Variants in SUN1 observed in about 807,000 individuals in gnomAD.
The protein encoded by SUN1 is Sad1 and UNC84 domain containing 1, also known as SUN domain-containing protein 1.
A neutral mutation model predicts 103.2 loss-of-function variants in SUN1; 61 were observed. The observed-to-expected ratio is 0.59, with a 90% confidence interval of 0.48 to 0.73. The LOEUF (loss-of-function observed/expected upper bound fraction) is 0.73, where lower values mean the gene tolerates loss of function less well. SUN1 is among the 30% of genes least tolerant of loss of function. The pLI is 0.00. For synonymous variants in SUN1, 490 were observed against 425.7 expected, an observed-to-expected ratio of 1.15 and a Z score of -1.86; for missense variants, 1,052 against 1,034.6, an observed-to-expected ratio of 1.02 and a Z score of -0.23.
At chr7:841,915 C>G (rs1241508107) in intron 2 of SUN1, 31 bp from the exon 3 acceptor site, 9 of 1,607,534 alleles carry the variant, frequency 5.6e-6, no homozygotes, top group African/African-American at 1.3e-5. Context: ...TAGAAAAGAT[C>G]TATAAACTTG....
At chr7:831,021 G>T (rs1055127471), upstream of SUN1, 1 of 985,512 alleles carries the variant, frequency 1.0e-6, no homozygotes, top group Admixed American at 6.1e-5. Context: ...GTCCTGTGCC[G>T]GGCTCCTCTG....
chr7:849,966 C>T lies in SUN1; in HGVS notation c.659-1418C>T, dbSNP rs542227020. On this transcript the variant is annotated intron_variant, in intron 5 of 18. Transcript: ENST00000401592. ...AGAGGCACCTCGACGCGCACACAGC[C>T]GCCCACTCGCAGTCGCCACGGCTGC... is the stretch of plus-strand genomic sequence containing the variant. 282 of 1,602,260 alleles carry T rather than the reference C, an allele frequency of 1.8e-4. 1 individual carries two copies. The highest frequency in any genetic ancestry group is 9.9e-4 in the Middle Eastern group (6 of 6,058).
intron 1 of SUN1, among the ~76,000 whole-genome samples, chr7:837,402 G>T (rs1804486076): frequency 6.6e-6 from 1 of 152,194 alleles, no homozygotes; most frequent in Admixed American, 6.5e-5. Flanking sequence ...TGGGTCCAGG[G>T]ATGCTTGGTA....
chr7:818,881 T>C (rs1481003015), intron 1 of SUN1, among the ~76,000 whole-genome samples: 1 of 147,534 alleles, frequency 6.8e-6, no homozygotes, highest in Non-Finnish European at 1.5e-5. Context: ...TTTTTTTTTT[T>C]GAGACGGAGT....
chr7:848,424 C>T (rs752516583), intron 5 of SUN1: 18 of 1,356,994 alleles, frequency 1.3e-5, no homozygotes, highest in African/African-American at 4.5e-5. Flanking sequence ...ATAGGCGGTG[C>T]GTCTTTCTAC....
chr7:820,197 C>T (rs961153538), intron 1 of SUN1, among the ~76,000 whole-genome samples: 3 of 152,202 alleles, frequency 2.0e-5, no homozygotes, highest in Non-Finnish European at 4.4e-5. Flanking sequence ...AACAGTCTTT[C>T]CATCCATGTA....
At chr7:845,921 G>A (rs1468738749) in intron 5 of SUN1, among the ~76,000 whole-genome samples, 4 of 151,944 alleles carry the variant, frequency 2.6e-5, no homozygotes, top group Non-Finnish European at 5.9e-5. Context: ...CTGTCCCGGG[G>A]TTCTCGTCAG....
intron 15 of SUN1, among the ~76,000 whole-genome samples, chr7:865,571 G>A (rs1286443291): frequency 6.6e-6 from 1 of 152,222 alleles, no homozygotes; most frequent in Non-Finnish European, 1.5e-5. Context: ...TCTGCCTTCA[G>A]TAGACTGCCT....
Position 873,205 on chromosome 7 carries a change from T to C in SUN1, c.2242-10T>C, listed in dbSNP as rs371242575. 3.1e-6 allele frequency: 5 copies of C among 1,613,822 alleles called. No homozygotes were observed. Among genetic ancestry groups the C allele is most frequent in the Non-Finnish European group, 4.2e-6 (5 of 1,179,678 alleles). On this transcript the variant is annotated splice_polypyrimidine_tract_variant and intron_variant, in intron 18 of 18. Transcript: ENST00000401592. ...AATACATGTGTGTGTTTTTCCCACC[T>C]TGATTTCAGAAAAGACCCGACGACA...
intron 17 of SUN1, among the ~76,000 whole-genome samples, chr7:869,947 A>G (rs914848511): frequency 6.6e-6 from 1 of 151,890 alleles, no homozygotes; most frequent in Non-Finnish European, 1.5e-5. Context: ...GAATCCCAGC[A>G]CTGTGGGAGG....
At chr7:850,128 C>A in intron 5 of SUN1, 1 of 1,191,780 alleles carries the variant, frequency 8.4e-7, no homozygotes, top group South Asian at 1.4e-5. Context: ...GCTTTAAAGT[C>A]TTGCTGTAAA....
Position 852,152 on chromosome 7 carries a change from A to G in SUN1, c.851+109A>G, listed in dbSNP as rs1483402718. 9 of 1,007,562 alleles carry G rather than the reference A, an allele frequency of 8.9e-6. No homozygotes were observed. In the African/African-American group the frequency reaches 1.1e-4, roughly 13 times the overall value. 62.4% of individuals were successfully genotyped at this position (1,007,562 alleles called of 1,614,324 possible). A position where few individuals can be genotyped will look rare whatever the true frequency, so the allele number is the denominator to read the frequency against. ...TTGTAAGGATTTAGCTTATATTTAC[A>G]TAGTGTTTGTATATTTTACAAAAGT... On this transcript the variant is annotated intron_variant, in intron 7 of 18. Coordinates refer to ENST00000401592, the MANE Select transcript of SUN1 (RefSeq NM_001130965.3).
Position 852,637 on chromosome 7 carries a change from G to T in SUN1, c.880G>T (p.Val294Phe). Residue 294 changes from valine to phenylalanine, a missense_variant, in exon 8 of 19, where the codon GTC becomes TTC. Val to Phe is a conservative substitution (Grantham distance 50, BLOSUM62 -1). Transcript: ENST00000401592. ...RCLRNICKFL[V>F]LLIPLFLLLA... ...CCTTCGAAACATCTGCAAGTTTTTA[G>T]TCTTGCTCATCCCACTCTTCCTTTT... 6.2e-7 allele frequency: 1 copy of T among 1,614,164 alleles called. No individual in the cohort carries two copies. Among genetic ancestry groups the T allele is most frequent in the South Asian group, 1.1e-5 (1 of 91,080 alleles).
At chr7:827,631 G>A (rs547287769), upstream of SUN1, among the ~76,000 whole-genome samples, 810 of 151,844 alleles carry the variant, frequency 5.3e-3, 4 homozygotes, top group South Asian at 0.012. Flanking sequence ...CACCACGCCC[G>A]GCTAATTTCT....
At position 853,482 on chromosome 7, in the gene SUN1, G is replaced by A. The variant is rs1003340969; in HGVS notation, c.1127G>A (p.Cys376Tyr). The A allele has an allele frequency of 3.7e-6, 6 of 1,614,002 alleles. No homozygotes were observed. In the Admixed American group the frequency reaches 6.7e-5, roughly 18 times the overall value. ...CAGGTGGCCTCTCTGTCTGGACAGT[G>A]CCACCACCATGGTGAGAATCTCCGA... ...EQQVASLSGQ[C>Y]HHHGENLREL... Residue 376 changes from cysteine to tyrosine, a missense_variant, in exon 10 of 19, where the codon TGC becomes TAC. Transcript: ENST00000401592.
rs200016671 is a variant in SUN1 at position 843,191 on chromosome 7, TG to T, written c.452-14del. 6.0e-3 allele frequency: 8,682 copies of T among 1,442,902 alleles called. 51 individuals carry two copies. In the East Asian group the frequency reaches 0.14, roughly 23 times the overall value. The allele number at this position is 1,442,902 out of a possible 1,614,324, so 89.4% of individuals were successfully genotyped here. ...AACAGCAAAAATGTGTGTGTGTGTG[TG>T]TTTTTTTTTTTAGGTCTTGATGATG... On this transcript the variant is annotated splice_polypyrimidine_tract_variant and intron_variant, in intron 3 of 18. Transcript: ENST00000401592.
At chr7:816,606 G>A (rs545195510), upstream of SUN1, 450 of 394,944 alleles carry the variant, frequency 1.1e-3, 5 homozygotes, top group African/African-American at 9.1e-3. Context: ...GCGATTGGCT[G>A]GCGTGGGCAG....
At chr7:869,749 G>C (rs1343011555) in intron 17 of SUN1, among the ~76,000 whole-genome samples, 1 of 152,108 alleles carries the variant, frequency 6.6e-6, no homozygotes, top group Non-Finnish European at 1.5e-5. Context: ...AGGTAGACAC[G>C]CCTAAGAATT....
rs769875681 is a variant in SUN1, at chr7:873,254, C to T, written c.2281C>T (p.Arg761Trp). The T allele has an allele frequency of 1.1e-5, 17 of 1,614,090 alleles. No individual in the cohort carries two copies. Among genetic ancestry groups the T allele is most frequent in the Admixed American group, 8.3e-5 (5 of 60,006 alleles). ...DDTAFQIVELRIFSNWGHPEY... is the reference protein window; with the variant it reads ...DDTAFQIVELWIFSNWGHPEY... ...CACAGCTTTCCAAATAGTGGAACTTCGGATTTTTTCTAACTGGGGCCATCC... is the reference window on the plus strand; with the variant it reads ...CACAGCTTTCCAAATAGTGGAACTTTGGATTTTTTCTAACTGGGGCCATCC... The change falls in exon 19 of 19, where the codon CGG becomes TGG. Residue 761 changes from arginine (R) to tryptophan (W), a missense_variant. By Grantham distance (101) the Arg-to-Trp change is moderately radical. Around this residue, in one of 2 missense-constraint regions of SUN1, gnomAD observed 206 missense variants for 260.1 expected, o/e 0.79. Transcript: ENST00000401592.
Sources: allele counts gnomAD v4.1 joint callset (sites outside exome capture counted in the v4.1 genomes callset), GRCh38; gene constraint gnomAD v4.1.1; regional missense constraint gnomAD v4.1.1; transcripts MANE v1.5; gene names NCBI Gene and HGNC (gene_info 2026-07-23, HGNC 2026-07-21).